Variants in LYRM7 observed in about 807,000 individuals in gnomAD.
LYRM7 encodes LYR motif containing 7.
A neutral mutation model predicts 15.8 loss-of-function variants in LYRM7; 9 were observed. That is an observed-to-expected ratio of 0.57 (90% CI 0.34 to 0.99). LYRM7 has a LOEUF of 0.99. Among genes scored for constraint, LYRM7 ranks in the 50% least tolerant of loss-of-function variants. The pLI is 0.02. For missense variants in LYRM7, 115 were observed against 119.1 expected (o/e 0.97, Z 0.16); for synonymous variants, 39 against 39.4 (o/e 0.99, Z 0.04).
At position 131,204,477 on chromosome 5, in the gene LYRM7, C is replaced by CAT. The variant is rs1284081625; in HGVS notation, c.*4877_*4878insTA. ...TGAAAAGGATGAGGATACACACACACACACACACACACACACACACACACA... is the reference window on the plus strand; with the variant it reads ...TGAAAAGGATGAGGATACACACACACATACACACACACACACACACACACACA... On this transcript the variant is annotated 3_prime_UTR_variant, in exon 5 of 5. Transcript: ENST00000379380. 1.2e-3 allele frequency: 147 copies of CAT among 121,376 alleles called. No individual in the cohort carries two copies. The highest frequency in any genetic ancestry group is 5.3e-3 in the African/African-American group (117 of 22,066). The allele number at this position is 121,376 out of a possible 1,614,324, so 7.5% of individuals were successfully genotyped here. A position where few individuals can be genotyped will look rare whatever the true frequency, so the allele number is the denominator to read the frequency against.
chr5:131,174,303 T>C (rs1755565656), intron 1 of LYRM7, among the ~76,000 whole-genome samples: 1 of 152,238 alleles, frequency 6.6e-6, no homozygotes. Context: ...CCACTTCTTA[T>C]CCTAGTTTCA....
In LYRM7 at chr5:131,190,647, C is replaced by T. The variant is rs900780829; in HGVS notation, c.244+3538C>T. Among the ~76,000 whole-genome samples the T allele has an allele frequency of 1.4e-4, 22 of 152,090 alleles. No individual in the cohort carries two copies. The East Asian group carries it at 2.5e-3, about 17-fold the overall frequency. On this transcript the variant is annotated intron_variant, in intron 4 of 4. Transcript: ENST00000379380. ...CTGGGATTACAGGAGCTTGCCACCA[C>T]GCCCAGCTAATTTTTGTATTTTTAG...
intron 3 of LYRM7, among the ~76,000 whole-genome samples, chr5:131,183,093 T>C (rs1360592377): frequency 6.6e-6 from 1 of 151,176 alleles, no homozygotes; most frequent in African/African-American, 2.5e-5. Flanking sequence ...ACTAGAGAAA[T>C]TTTCTATGTT....
chr5:131,189,669 T>C (rs1755855212), intron 4 of LYRM7, among the ~76,000 whole-genome samples: 1 of 152,146 alleles, frequency 6.6e-6, no homozygotes, highest in African/African-American at 2.4e-5. Context: ...GAACTATATA[T>C]GTGTGCATCT....
Position 131,202,155 on chromosome 5 carries a change from A to T in LYRM7, c.*2554A>T, listed in dbSNP as rs1386532467. The T allele has an allele frequency of 6.6e-6, 1 of 151,968 alleles. No homozygotes were observed. Among genetic ancestry groups the T allele is most frequent in the Non-Finnish European group, 1.5e-5 (1 of 67,966 alleles). The allele number at this position is 151,968 out of a possible 1,614,324, so 9.4% of individuals were successfully genotyped here. Reference sequence around the variant, plus strand: ...TGCCTATTCTTATAATCATATATTTATATTTCAAATGGATTTTAACTGGTT... The same window carrying T: ...TGCCTATTCTTATAATCATATATTTTTATTTCAAATGGATTTTAACTGGTT... On this transcript the variant is annotated 3_prime_UTR_variant, in exon 5 of 5. Coordinates refer to ENST00000379380, the MANE Select transcript of LYRM7 (RefSeq NM_181705.4).
rs748982818 is a variant in LYRM7, at chr5:131,199,669, G to C, written c.*68G>C. 9.2e-7 allele frequency: 1 copy of C among 1,088,014 alleles called. No individual in the cohort carries two copies. Among genetic ancestry groups the C allele is most frequent in the Non-Finnish European group, 1.3e-6 (1 of 745,236 alleles). The allele number at this position is 1,088,014 out of a possible 1,614,324, so 67.4% of individuals were successfully genotyped here. A position where few individuals can be genotyped will look rare whatever the true frequency, so the allele number is the denominator to read the frequency against. ...AATCTACAACTCTGGCAAAAGTCCT[G>C]GAAATGCAGACATTTTCCCTGAACT... is the stretch of plus-strand genomic sequence containing the variant. On this transcript the variant is annotated 3_prime_UTR_variant, in exon 5 of 5. Coordinates refer to ENST00000379380, the MANE Select transcript of LYRM7 (RefSeq NM_181705.4).
chr5:131,175,197 C>CTTTT (rs59140330), intron 1 of LYRM7, among the ~76,000 whole-genome samples: 6 of 125,654 alleles, frequency 4.8e-5, no homozygotes, highest in East Asian at 2.2e-4. Flanking sequence ...GCTTCAATCT[C>CTTTT]TTTTTTTTTT....
intron 1 of LYRM7, among the ~76,000 whole-genome samples, chr5:131,179,074 T>A (rs1035255536): frequency 1.3e-5 from 2 of 152,018 alleles, no homozygotes; most frequent in African/African-American, 4.8e-5. Flanking sequence ...ATTTTGCATA[T>A]GTGTGTGTAT....
chr5:131,179,555 A>G (rs1048832616), intron 1 of LYRM7, among the ~76,000 whole-genome samples: 1 of 144,684 alleles, frequency 6.9e-6, no homozygotes, highest in Non-Finnish European at 1.5e-5. Context: ...TGTAGCCTCA[A>G]CTTCCTAGAC....
intron 1 of LYRM7, among the ~76,000 whole-genome samples, chr5:131,178,605 A>AT (rs1168710581): frequency 6.6e-6 from 1 of 151,990 alleles, no homozygotes; most frequent in Non-Finnish European, 1.5e-5. Flanking sequence ...CTCTCTTTTT[A>AT]TTTTTTTCAA....
intron 4 of LYRM7, among the ~76,000 whole-genome samples, chr5:131,192,186 G>A (rs904732436): frequency 2.6e-5 from 4 of 151,904 alleles, no homozygotes; most frequent in African/African-American, 9.7e-5. Flanking sequence ...GGCACAGAAC[G>A]ACAAATATTG....
chr5:131,190,773 G>A (rs1366816972), intron 4 of LYRM7, among the ~76,000 whole-genome samples: 1 of 152,174 alleles, frequency 6.6e-6, no homozygotes, highest in Non-Finnish European at 1.5e-5. Flanking sequence ...TTACAGGTGT[G>A]AGCCACTGCA....
chr5:131,182,408 A>T (rs1334993957), intron 3 of LYRM7, 109 bp downstream of exon 3: 1 of 1,037,306 alleles, frequency 9.6e-7, no homozygotes, highest in Non-Finnish European at 1.3e-6. Context: ...TTGATAGTTA[A>T]GGCCATCACA....
intron 4 of LYRM7, among the ~76,000 whole-genome samples, chr5:131,189,475 A>G (rs573955966): frequency 1.2e-4 from 16 of 137,232 alleles, no homozygotes; most frequent in Non-Finnish European, 2.2e-4. Flanking sequence ...AAAAAAAGCT[A>G]TATTGTTTGA....
chr5:131,193,147 G>A (rs1755911471), intron 4 of LYRM7, among the ~76,000 whole-genome samples: 1 of 152,154 alleles, frequency 6.6e-6, no homozygotes, highest in Non-Finnish European at 1.5e-5. Flanking sequence ...TTCTTTAGAT[G>A]TATTTTAAAC....
chr5:131,189,444 C>CAA (rs71000976), intron 4 of LYRM7, among the ~76,000 whole-genome samples: 4,233 of 46,162 alleles, frequency 0.092, 993 homozygotes, highest in Non-Finnish European at 0.11. Context: ...CTCCGTCTCC[C>CAA]AAAAAAAAAA....
chr5:131,181,467 A>ATATATATATAACATATATATG (rs1554089971), intron 2 of LYRM7, among the ~76,000 whole-genome samples: 1 of 129,144 alleles, frequency 7.7e-6, no homozygotes, highest in African/African-American at 3.0e-5. Flanking sequence ...ATATATATGT[A>ATATATATATAACATATATATG]TATATATATA....
chr5:131,190,145 A>G (rs1755862378), intron 4 of LYRM7, among the ~76,000 whole-genome samples: 3 of 150,722 alleles, frequency 2.0e-5, no homozygotes, highest in East Asian at 1.9e-4. Context: ...CAAAAAAAAA[A>G]AAAAGAAAAG....
chr5:131,177,108 T>A (rs1755614142), intron 1 of LYRM7, among the ~76,000 whole-genome samples: 1 of 152,214 alleles, frequency 6.6e-6, no homozygotes, highest in Non-Finnish European at 1.5e-5. Context: ...AACTGCCTTT[T>A]AAAAATTATT....
Sources: allele counts gnomAD v4.1 joint callset (sites outside exome capture counted in the v4.1 genomes callset), GRCh38; gene constraint gnomAD v4.1.1; transcripts MANE v1.5; gene names NCBI Gene and HGNC (gene_info 2026-07-23, HGNC 2026-07-21).